Variants in ZNF407 observed in about 807,000 individuals in gnomAD.
ZNF407 encodes the protein zinc finger protein 407.
A neutral mutation model predicts 131.2 loss-of-function variants in ZNF407; 17 were observed. The observed-to-expected ratio is 0.13, with a 90% CI of 0.09 to 0.19. The LOEUF (loss-of-function observed/expected upper bound fraction) is 0.19, where lower values mean the gene tolerates loss of function less well. Among genes scored for constraint, ZNF407 ranks in the 10% least tolerant of loss-of-function variants. The pLI, the probability that ZNF407 is intolerant of heterozygous loss-of-function variation, is 1.00. For synonymous variants in ZNF407, 1,156 were observed against 1,062.0 expected (o/e 1.09, Z -1.72); for missense variants, 2,681 against 2,830.6 (o/e 0.95, Z 1.20).
At chr18:74,657,845 C>T (rs549828781) in intron 3 of ZNF407, among the ~76,000 whole-genome samples, 5 of 152,112 alleles carry the variant, frequency 3.3e-5, no homozygotes, top group East Asian at 1.9e-4. Flanking sequence ...AATTCCTCCC[C>T]ATCCTCTCCT....
intron 8 of ZNF407, among the ~76,000 whole-genome samples, chr18:74,940,569 G>A (rs1392163723): frequency 2.0e-5 from 3 of 152,132 alleles, no homozygotes; most frequent in African/African-American, 7.2e-5. Context: ...CCAAGAAGAA[G>A]GGGAAACCAG....
Position 74,610,174 on chromosome 18 carries a change from A to G in ZNF407, c.-54+12237A>G, listed in dbSNP as rs1364065491. On this transcript the variant is annotated intron_variant, in intron 1 of 8. Transcript: ENST00000299687. ...ATAAATATTTGATGAATAAATGAAT[A>G]CTATACGTGCATTTTGTTAGCTGCT... is the stretch of plus-strand genomic sequence containing the variant. Among the ~76,000 whole-genome samples the G allele has an allele frequency of 2.0e-5, 3 of 152,340 alleles. No homozygotes were observed. The East Asian group carries it at 5.8e-4, about 29-fold the overall frequency.
At chr18:74,637,877 G>C (rs751692811) in intron 2 of ZNF407, among the ~76,000 whole-genome samples, 1 of 152,146 alleles carries the variant, frequency 6.6e-6, no homozygotes, top group South Asian at 2.1e-4. Context: ...AAATAAATGA[G>C]TTTTGGTTAT....
intron 3 of ZNF407, among the ~76,000 whole-genome samples, chr18:74,689,499 T>C (rs767499941): frequency 6.6e-6 from 1 of 152,228 alleles, no homozygotes; most frequent in Non-Finnish European, 1.5e-5. Context: ...TGCATGGCTA[T>C]TTAATGGCAA....
chr18:74,760,871 T>C (rs1304067719), intron 3 of ZNF407, among the ~76,000 whole-genome samples: 2 of 152,164 alleles, frequency 1.3e-5, no homozygotes, highest in African/African-American at 4.8e-5. Context: ...CCAAAGCTTA[T>C]TGTTGAGTTG....
intron 1 of ZNF407, among the ~76,000 whole-genome samples, chr18:74,604,245 T>G (rs965946974): frequency 1.1e-4 from 17 of 152,238 alleles, no homozygotes; most frequent in Non-Finnish European, 2.5e-4. Flanking sequence ...GTTCTTTAGA[T>G]GGGTCCTTGC....
intron 1 of ZNF407, among the ~76,000 whole-genome samples, chr18:74,620,266 T>A (rs1983460981): frequency 6.6e-6 from 1 of 152,192 alleles, no homozygotes. Flanking sequence ...AAAAAAGAAA[T>A]TGCCAGGTGA....
chr18:75,049,084 G>A (rs1364924387), intron 8 of ZNF407, among the ~76,000 whole-genome samples: 7 of 64,656 alleles, frequency 1.1e-4, no homozygotes, highest in African/African-American at 4.1e-4. Flanking sequence ...CTGGCCGGTA[G>A]TATTTTTTTT....
rs532818624 is a variant in ZNF407, at chr18:74,844,712, G to A, written c.4878-32485G>A. Among the ~76,000 whole-genome samples the A allele has an allele frequency of 3.2e-4, 48 of 152,006 alleles. 1 individual carries two copies. The highest frequency in any genetic ancestry group is 1.1e-3 in the African/African-American group (44 of 41,464). The stretch of plus-strand genomic sequence containing the variant: ...TTACCCATGCAGAATTATATATTTA[G>A]AGTCATCAAAACGGGGAAACACCAT... On this transcript the variant is annotated intron_variant, in intron 4 of 8. Coordinates refer to ENST00000299687, the MANE Select transcript of ZNF407 (RefSeq NM_017757.3).
intron 6 of ZNF407, 116 bp downstream of exon 6, chr18:74,881,235 C>G: frequency 1.1e-6 from 1 of 875,274 alleles, no homozygotes; most frequent in Non-Finnish European, 1.7e-6. Context: ...CATCTGTGCA[C>G]TTGAAGGTCT....
At chr18:74,709,793 G>T (rs754959212) in intron 3 of ZNF407, among the ~76,000 whole-genome samples, 3 of 152,112 alleles carry the variant, frequency 2.0e-5, no homozygotes, top group African/African-American at 4.8e-5. Context: ...AAGCAAAAGG[G>T]AATGAACAGA....
intron 8 of ZNF407, among the ~76,000 whole-genome samples, chr18:74,972,257 T>A (rs1972481444): frequency 6.6e-6 from 1 of 152,204 alleles, no homozygotes; most frequent in African/African-American, 2.4e-5. Context: ...CACTCCGATT[T>A]TACTTTACTA....
chr18:75,007,751 T>A (rs886150213), intron 8 of ZNF407, among the ~76,000 whole-genome samples: 4 of 152,224 alleles, frequency 2.6e-5, no homozygotes, highest in Non-Finnish European at 5.9e-5. Context: ...AGCTGCTGCC[T>A]TCACAGAGTT....
intron 8 of ZNF407, among the ~76,000 whole-genome samples, chr18:75,009,620 C>A (rs1181612071): frequency 6.6e-6 from 1 of 152,212 alleles, no homozygotes; most frequent in Admixed American, 6.5e-5. Context: ...TCAACGCTTA[C>A]TATGCCAGGC....
chr18:75,026,712 T>C (rs191107572), intron 8 of ZNF407, among the ~76,000 whole-genome samples: 2 of 152,340 alleles, frequency 1.3e-5, no homozygotes, highest in East Asian at 3.9e-4. Flanking sequence ...CCGTGTTTAT[T>C]AATGGTATGT....
In ZNF407 at chr18:74,680,284, T is replaced by C. The variant is rs537701375; in HGVS notation, c.4802+39162T>C. ...ATTAGCCAGGTATTGTGGCACACACTTGTAGTCGCAGCTACTCTGGAGGCT... is the reference window on the plus strand; with the variant it reads ...ATTAGCCAGGTATTGTGGCACACACCTGTAGTCGCAGCTACTCTGGAGGCT... On this transcript the variant is annotated intron_variant, in intron 3 of 8. Coordinates refer to ENST00000299687, the MANE Select transcript of ZNF407 (RefSeq NM_017757.3). Among the ~76,000 whole-genome samples, 207 of 151,914 alleles carry C rather than the reference T, an allele frequency of 1.4e-3. 1 individual carries two copies. Among genetic ancestry groups the C allele is most frequent in the African/African-American group, 4.6e-3 (191 of 41,408 alleles).
intron 3 of ZNF407, among the ~76,000 whole-genome samples, chr18:74,738,426 A>G (rs1292252248): frequency 2.4e-3 from 8 of 3,332 alleles, no homozygotes; most frequent in East Asian, 0.016. Context: ...TCTCAAGAAA[A>G]AAAAAAAAAA....
chr18:74,638,634 G>A (rs1486201917), intron 2 of ZNF407, among the ~76,000 whole-genome samples: 1 of 152,092 alleles, frequency 6.6e-6, no homozygotes, highest in African/African-American at 2.4e-5. Flanking sequence ...AAGTAATAAG[G>A]TACCACAAAG....
intron 7 of ZNF407, among the ~76,000 whole-genome samples, chr18:74,910,475 A>G (rs1971654592): frequency 6.6e-6 from 1 of 151,964 alleles, no homozygotes; most frequent in African/African-American, 2.4e-5. Flanking sequence ...TCATATTTTT[A>G]GGTTCATACT....
Sources: gnomAD v4.1 joint callset for allele counts (sites outside exome capture counted in the v4.1 genomes callset) on GRCh38, gnomAD v4.1.1 for gene constraint, MANE v1.5 for transcripts, NCBI Gene and HGNC (gene_info 2026-07-23, HGNC 2026-07-21) for gene names.